LIMS1: variants seen among roughly 807,000 people sequenced by gnomAD.
LIMS1 encodes the protein LIM and senescent cell antigen-like-containing domain protein 1.
LIMS1 carries 18 observed loss-of-function variants against 44.1 expected under a neutral mutation model. The observed-to-expected ratio is 0.41, with a 90% confidence interval of 0.28 to 0.61. The LOEUF is 0.61. Ranked by LOEUF, LIMS1 falls within the 20% of genes least tolerant of loss-of-function variation. LIMS1 has a pLI of 0.32. For missense variants in LIMS1, 201 were observed against 422.0 expected, an observed-to-expected ratio of 0.48 and a Z score of 4.59; for synonymous variants, 93 against 149.1, an observed-to-expected ratio of 0.62 and a Z score of 2.74.
At position 108,610,935 on chromosome 2, in the gene LIMS1, C is replaced by G. The variant is rs112216327; in HGVS notation, c.33-48670C>G. Among the ~76,000 whole-genome samples the G allele has an allele frequency of 2.6e-3, 395 of 152,196 alleles. 2 individuals carry two copies. The highest frequency in any genetic ancestry group is 4.3e-3 in the Non-Finnish European group (295 of 68,012). ...CAGATAATCCTCACATAGTCCTCACCTAGCTTCCCCTCTTGTCAGCACCTT... is the reference window on the plus strand; with the variant it reads ...CAGATAATCCTCACATAGTCCTCACGTAGCTTCCCCTCTTGTCAGCACCTT... On this transcript the variant is annotated intron_variant, in intron 1 of 9. Transcript: ENST00000544547.
intron 1 of LIMS1, among the ~76,000 whole-genome samples, chr2:108,570,276 CA>C (rs1214235658): frequency 6.6e-6 from 1 of 151,972 alleles, no homozygotes; most frequent in Non-Finnish European, 1.5e-5. Flanking sequence ...ATTAAAAATA[CA>C]AACATTAGCC....
intron 1 of LIMS1, among the ~76,000 whole-genome samples, chr2:108,608,527 A>G (rs1462308004): frequency 6.6e-6 from 1 of 152,100 alleles, no homozygotes; most frequent in African/African-American, 2.4e-5. Context: ...GATGGTCTCT[A>G]TCTCTTGACC....
chr2:108,539,229 A>G (rs891092787), intron 1 of LIMS1, among the ~76,000 whole-genome samples: 1 of 152,164 alleles, frequency 6.6e-6, no homozygotes, highest in African/African-American at 2.4e-5. Context: ...GACAACAGGT[A>G]CATGCCACTA....
chr2:108,552,525 CTT>C (rs1043322374), intron 1 of LIMS1, among the ~76,000 whole-genome samples: 15 of 141,352 alleles, frequency 1.1e-4, no homozygotes, highest in Middle Eastern at 4.1e-3. Flanking sequence ...ATAAATATAT[CTT>C]ATATATTTAT....
At chr2:108,631,497 G>C (rs747394775) in intron 1 of LIMS1, among the ~76,000 whole-genome samples, 16 of 150,304 alleles carry the variant, frequency 1.1e-4, no homozygotes, top group Middle Eastern at 7.1e-3. Context: ...TCAAATGATT[G>C]TATGCTGTGG....
At chr2:108,613,237 T>C (rs929070312) in intron 1 of LIMS1, among the ~76,000 whole-genome samples, 8 of 152,220 alleles carry the variant, frequency 5.3e-5, no homozygotes, top group Admixed American at 5.2e-4. Context: ...AGCTTTACAA[T>C]ACAAGCAAAC....
chr2:108,666,319 GTTTA>G (rs1430074221), intron 2 of LIMS1, among the ~76,000 whole-genome samples: 4 of 147,950 alleles, frequency 2.7e-5, no homozygotes, highest in African/African-American at 1.0e-4. Flanking sequence ...TTAGTATTAT[GTTTA>G]TTTGTTTGTT....
At chr2:108,534,563 A>T (rs1684049088) in exon 1 of LIMS1, 1 of 1,198,590 alleles carries the variant, frequency 8.3e-7, no homozygotes, top group Non-Finnish European at 1.0e-6. Flanking sequence ...AAGCGGAGAG[A>T]TGCTGGGCGT....
At chr2:108,537,704 G>A (rs1206296447) in intron 1 of LIMS1, among the ~76,000 whole-genome samples, 1 of 152,206 alleles carries the variant, frequency 6.6e-6, no homozygotes, top group East Asian at 1.9e-4. Context: ...CTGTCCATCA[G>A]GATTGTGCTG....
At chr2:108,541,558 C>T (rs1482122753) in intron 1 of LIMS1, among the ~76,000 whole-genome samples, 1 of 152,226 alleles carries the variant, frequency 6.6e-6, no homozygotes, top group African/African-American at 2.4e-5. Context: ...TGAGAAGCTG[C>T]TTATTGCCTG....
rs1688732555 is a variant in LIMS1, at chr2:108,628,813, A to T, written c.33-30792A>T. ...AAATATGACAGTAATGAGTTTTATG[A>T]AGGTTCTTGTTTTTTCTGAGACAGG... On this transcript the variant is annotated intron_variant, in intron 1 of 9. Transcript: ENST00000544547. Among the ~76,000 whole-genome samples, 3 of 152,034 alleles carry T rather than the reference A, an allele frequency of 2.0e-5. No individual in the cohort carries two copies. In the South Asian group the frequency reaches 6.2e-4, roughly 32 times the overall value.
At chr2:108,615,439 A>T (rs1687877312) in intron 1 of LIMS1, among the ~76,000 whole-genome samples, 1 of 151,374 alleles carries the variant, frequency 6.6e-6, no homozygotes, top group Non-Finnish European at 1.5e-5. Context: ...GTTGAGGAGG[A>T]CCCTCTGTTC....
intron 1 of LIMS1, among the ~76,000 whole-genome samples, chr2:108,617,527 T>G (rs1317681407): frequency 6.6e-6 from 1 of 152,232 alleles, no homozygotes; most frequent in African/African-American, 2.4e-5. Flanking sequence ...TCTGGAGATT[T>G]CTTCTCAAAC....
chr2:108,568,639 A>G (rs1052699871), intron 1 of LIMS1, among the ~76,000 whole-genome samples: 10 of 152,208 alleles, frequency 6.6e-5, no homozygotes, highest in African/African-American at 2.4e-4. Context: ...TTTTACACCA[A>G]CAACACACAA....
chr2:108,677,585 G>C (rs1413639094), intron 7 of LIMS1: 1 of 214,550 alleles, frequency 4.7e-6, no homozygotes, highest in African/African-American at 2.3e-5. Context: ...ACCCCTTGAT[G>C]ATTCTTGTCT....
chr2:108,675,937 A>G (rs1340772471), exon 6 of LIMS1: 2 of 1,613,858 alleles, frequency 1.2e-6, no homozygotes, highest in African/African-American at 2.7e-5. Context: ...CTCCCATGCC[A>G]TGATAAAATG....
chr2:108,547,923 G>A (rs2577592), intron 1 of LIMS1, among the ~76,000 whole-genome samples: 25,929 of 152,128 alleles, frequency 0.17, 2,642 homozygotes, highest in African/African-American at 0.27. Context: ...TAATTCATCC[G>A]TCAAATGAGC....
chr2:108,590,495 G>A (rs978566136), intron 1 of LIMS1, among the ~76,000 whole-genome samples: 1 of 152,184 alleles, frequency 6.6e-6, no homozygotes, highest in African/African-American at 2.4e-5. Context: ...AACACTTGGT[G>A]GTAGTTTAAA....
At chr2:108,572,937 C>G (rs1685534502) in intron 1 of LIMS1, among the ~76,000 whole-genome samples, 1 of 152,166 alleles carries the variant, frequency 6.6e-6, no homozygotes, top group Non-Finnish European at 1.5e-5. Context: ...TGTGTGTTAG[C>G]TTTGTTGCTG....
Sources: allele counts gnomAD v4.1 joint callset (sites outside exome capture counted in the v4.1 genomes callset), GRCh38; gene constraint gnomAD v4.1.1; transcripts MANE v1.5; gene names NCBI Gene and HGNC (gene_info 2026-07-23, HGNC 2026-07-21).